Variants in ARID5B observed in about 807,000 individuals in gnomAD.
The protein encoded by ARID5B is AT-rich interaction domain 5B, also known as AT-rich interactive domain-containing protein 5B.
ARID5B carries 13 observed loss-of-function variants against 97.2 expected under a neutral mutation model. That is an observed-to-expected ratio of 0.13 (90% CI 0.09 to 0.21). ARID5B has a LOEUF of 0.21. ARID5B is among the 10% of genes least tolerant of loss of function. ARID5B has a pLI of 1.00. For synonymous variants in ARID5B, 556 were observed against 570.3 expected (o/e 0.97, Z 0.36); for missense variants, 1,210 against 1,465.3 (o/e 0.83, Z 2.84).
At chr10:62,027,213 TC>T (rs1839431778) in intron 4 of ARID5B, among the ~76,000 whole-genome samples, 1 of 148,610 alleles carries the variant, frequency 6.7e-6, no homozygotes, top group Non-Finnish European at 1.5e-5. Context: ...CCTCCTTGAA[TC>T]TGTCCAACTC....
At chr10:61,919,817 A>G (rs987802104) in intron 2 of ARID5B, among the ~76,000 whole-genome samples, 5 of 152,196 alleles carry the variant, frequency 3.3e-5, no homozygotes, top group Non-Finnish European at 7.3e-5. Context: ...CTGGACAGAC[A>G]AGAAAGAGGG....
Position 62,087,298 on chromosome 10 carries a change from CAA to C in ARID5B, c.1398+1417_1398+1418del, listed in dbSNP as rs71299289. ...TGGGTGACAGAGAGAGACTCTATCT[CAA>C]AAAAAAAAAAAAAAAAAAGGAAAAA... is the stretch of plus-strand genomic sequence containing the variant. On this transcript the variant is annotated intron_variant, in intron 9 of 9. Coordinates refer to ENST00000279873, the MANE Select transcript of ARID5B (RefSeq NM_032199.3). 3.8e-3 allele frequency among the ~76,000 whole-genome samples: 156 copies of C among 40,926 alleles called. 3 individuals carry two copies. The highest frequency in any genetic ancestry group is 0.016 in the African/African-American group (149 of 9,476). The allele number at this position is 40,926 out of a possible 152,430, so 26.8% of individuals were successfully genotyped here.
chr10:61,915,425 T>G (rs1843883874), intron 2 of ARID5B, among the ~76,000 whole-genome samples: 1 of 152,074 alleles, frequency 6.6e-6, no homozygotes, highest in Non-Finnish European at 1.5e-5. Context: ...CAGGAGGCAT[T>G]TTAGAAGAAA....
chr10:61,947,230 C>G (rs1377869726), intron 3 of ARID5B, among the ~76,000 whole-genome samples: 1 of 147,516 alleles, frequency 6.8e-6, no homozygotes, highest in African/African-American at 2.5e-5. Context: ...TTTAGAACAG[C>G]TTATTACCAG....
At chr10:61,968,571 A>C (rs1404022418) in intron 3 of ARID5B, among the ~76,000 whole-genome samples, 1 of 152,222 alleles carries the variant, frequency 6.6e-6, no homozygotes, top group Non-Finnish European at 1.5e-5. Flanking sequence ...AGGCACCATT[A>C]CTGGTACAGT....
At chr10:61,905,924 C>A (rs903844409) in intron 2 of ARID5B, among the ~76,000 whole-genome samples, 2 of 152,066 alleles carry the variant, frequency 1.3e-5, no homozygotes, top group Non-Finnish European at 2.9e-5. Flanking sequence ...TACACCAATG[C>A]CTTCATATAT....
chr10:62,091,755 A>G lies in ARID5B; in HGVS notation c.2292A>G (p.Glu764=). The part of the protein sequence containing the change: ...HVQSFRSKPS[E]ERKTINDIFK... ...AGAGTTTCAGAAGCAAGCCCTCGGA[A>G]GAGAGAAAGACCATCAATGACATCT... The change falls in exon 10 of 10, where the codon GAA becomes GAG. Residue 764 remains glutamate, a synonymous_variant. Coordinates refer to ENST00000279873, the MANE Select transcript of ARID5B (RefSeq NM_032199.3). The G allele has an allele frequency of 6.2e-7, 1 of 1,614,178 alleles. No individual in the cohort carries two copies. Among genetic ancestry groups the G allele is most frequent in the South Asian group, 1.1e-5 (1 of 91,084 alleles).
At chr10:61,964,298 A>C (rs1838514252) in intron 3 of ARID5B, among the ~76,000 whole-genome samples, 1 of 152,152 alleles carries the variant, frequency 6.6e-6, no homozygotes, top group African/African-American at 2.4e-5. Context: ...GAGATGGGGC[A>C]GCAGCTATTT....
intron 3 of ARID5B, among the ~76,000 whole-genome samples, chr10:61,963,647 GC>G (rs763042650): frequency 1.1e-4 from 17 of 151,878 alleles, no homozygotes; most frequent in Non-Finnish European, 2.4e-4. Flanking sequence ...AAAGCCATTG[GC>G]CCCACAGAAA....
Position 61,916,978 on chromosome 10 carries a change from G to A in ARID5B, c.276+14565G>A, listed in dbSNP as rs763907215. On this transcript the variant is annotated intron_variant, in intron 2 of 9. Transcript: ENST00000279873. ...ATGATATTCAGGGGAACTGGGGAGC[G>A]CACGACTGGTTTGAGGCATGCCTCT... is the stretch of plus-strand genomic sequence containing the variant. Among the ~76,000 whole-genome samples the A allele has an allele frequency of 4.6e-5, 7 of 151,942 alleles. No homozygotes were observed. In the South Asian group the frequency reaches 8.3e-4, roughly 18 times the overall value.
At chr10:62,051,259 G>A in intron 5 of ARID5B, 2 of 566,902 alleles carry the variant, frequency 3.5e-6, no homozygotes, top group Admixed American at 6.1e-5. Flanking sequence ...TATGAGTAAA[G>A]GACAGATGAT....
intron 4 of ARID5B, among the ~76,000 whole-genome samples, chr10:62,048,410 G>A (rs1839740326): frequency 6.6e-6 from 1 of 152,214 alleles, no homozygotes. Context: ...GGGAAAAAAA[G>A]TTCAGAGGGG....
At chr10:61,986,870 A>G (rs1487008250) in intron 3 of ARID5B, among the ~76,000 whole-genome samples, 1 of 152,162 alleles carries the variant, frequency 6.6e-6, no homozygotes, top group Non-Finnish European at 1.5e-5. Context: ...TCTTTTAACT[A>G]CTGTTAAAGA....
Position 61,902,248 on chromosome 10 carries a change from C to T in ARID5B, c.111C>T (p.Ser37=), listed in dbSNP as rs1843629022. Residue 37 remains serine, a synonymous_variant, in exon 2 of 10, where the codon TCC becomes TCT. Coordinates refer to ENST00000279873, the MANE Select transcript of ARID5B (RefSeq NM_032199.3). Reference sequence around the variant, plus strand: ...TTGAAGGCAAACCAAGAATTTTGTCCCTTGGCGACTTTTTCTTTGTAAGAT... The same window carrying T: ...TTGAAGGCAAACCAAGAATTTTGTCTCTTGGCGACTTTTTCTTTGTAAGAT... ...FHLEGKPRIL[S]LGDFFFVRCT... 1.2e-6 allele frequency: 2 copies of T among 1,614,090 alleles called. No homozygotes were observed. Among genetic ancestry groups the T allele is most frequent in the East Asian group, 2.2e-5 (1 of 44,892 alleles).
chr10:62,034,357 T>C (rs556850010), intron 4 of ARID5B, among the ~76,000 whole-genome samples: 9 of 152,324 alleles, frequency 5.9e-5, no homozygotes, highest in African/African-American at 2.2e-4. Flanking sequence ...TTCAACATGA[T>C]TGCATCTCAG....
At chr10:62,026,554 A>C (rs762119573) in intron 4 of ARID5B, among the ~76,000 whole-genome samples, 2 of 152,208 alleles carry the variant, frequency 1.3e-5, no homozygotes, top group Non-Finnish European at 2.9e-5. Context: ...TCCGTAGATA[A>C]AGGAATACTT....
intron 2 of ARID5B, among the ~76,000 whole-genome samples, chr10:61,934,755 C>T (rs1195883127): frequency 1.3e-5 from 2 of 152,208 alleles, no homozygotes; most frequent in African/African-American, 4.8e-5. Context: ...TGGCTCACAC[C>T]TGTAATCCCA....
intron 4 of ARID5B, among the ~76,000 whole-genome samples, chr10:62,003,511 A>G (rs1465204665): frequency 6.6e-6 from 1 of 152,212 alleles, no homozygotes. Context: ...CTGACCTCCC[A>G]TTTTGGGTAA....
intron 8 of ARID5B, among the ~76,000 whole-genome samples, chr10:62,074,179 G>A (rs368451367): frequency 2.6e-5 from 4 of 152,294 alleles, no homozygotes; most frequent in East Asian, 3.9e-4. Flanking sequence ...GTTGTTATTA[G>A]GGATTTTAAA....
Sources: gnomAD v4.1 joint callset for allele counts (sites outside exome capture counted in the v4.1 genomes callset) on GRCh38, gnomAD v4.1.1 for gene constraint, MANE v1.5 for transcripts, NCBI Gene and HGNC (gene_info 2026-07-23, HGNC 2026-07-21) for gene names.